The following ABCA13 variants were observed in gnomAD, a reference collection of about 807,000 sequenced individuals.
ABCA13 encodes the protein ATP binding cassette subfamily A member 13, also known as ATP-binding cassette sub-family A member 13.
ABCA13 carries 476 observed loss-of-function variants against 478.7 expected under a neutral mutation model. That is an observed-to-expected ratio of 0.99 (90% confidence interval 0.92 to 1.07). The LOEUF (loss-of-function observed/expected upper bound fraction) is 1.07. Among genes scored for constraint, ABCA13 ranks in the 50% least tolerant of loss-of-function variants. The pLI, the probability that ABCA13 is intolerant of heterozygous loss-of-function variation, is 0.00. For synonymous variants in ABCA13, 2,252 were observed against 2,158.9 expected (o/e 1.04, Z -1.20); for missense variants, 6,060 against 5,910.6 (o/e 1.03, Z -0.83).
intron 47 of ABCA13, among the ~76,000 whole-genome samples, chr7:48,483,980 A>G (rs1046251619): frequency 6.6e-6 from 1 of 152,186 alleles, no homozygotes; most frequent in Non-Finnish European, 1.5e-5. Flanking sequence ...TAGTGTGTGG[A>G]TGTTGTGTCT....
intron 36 of ABCA13, among the ~76,000 whole-genome samples, chr7:48,388,563 A>G (rs1261299737): frequency 6.6e-6 from 1 of 152,244 alleles, no homozygotes; most frequent in Non-Finnish European, 1.5e-5. Context: ...TGCATCACTC[A>G]GAGATAAACA....
intron 45 of ABCA13, among the ~76,000 whole-genome samples, chr7:48,472,529 G>A (rs1473137279): frequency 1.3e-5 from 2 of 152,124 alleles, no homozygotes; most frequent in Non-Finnish European, 2.9e-5. Flanking sequence ...GAAGTTATTT[G>A]TCTCATGGCC....
intron 52 of ABCA13, among the ~76,000 whole-genome samples, chr7:48,519,577 G>A (rs575685322): frequency 2.6e-5 from 4 of 152,270 alleles, no homozygotes; most frequent in Non-Finnish European, 5.9e-5. Context: ...TTGGAGCGAG[G>A]GGGATGTGGG....
chr7:48,641,205 G>T (rs1350752696), intron 59 of ABCA13, among the ~76,000 whole-genome samples: 2 of 152,128 alleles, frequency 1.3e-5, no homozygotes, highest in South Asian at 2.1e-4. Flanking sequence ...GGTAAAAATG[G>T]ATCCTAATAT....
chr7:48,275,930 T>C lies in ABCA13; in HGVS notation c.6264T>C (p.Ser2088=). ...CTGAAATGAACAAAGGAATCAAAAGTATAAATTCAATGGCTCTTCAAAAGA... is the reference window on the plus strand; with the variant it reads ...CTGAAATGAACAAAGGAATCAAAAGCATAAATTCAATGGCTCTTCAAAAGA... ...LLSEMNKGIK[S]INSMALQKIT... Residue 2088 remains serine, a synonymous_variant, in exon 17 of 62, where the codon AGT becomes AGC. Coordinates refer to ENST00000435803, the MANE Select transcript of ABCA13 (RefSeq NM_152701.5). The C allele has an allele frequency of 6.2e-7, 1 of 1,613,724 alleles. No homozygotes were observed. The highest frequency in any genetic ancestry group is 1.1e-5 in the South Asian group (1 of 91,068).
At chr7:48,256,248 T>A (rs970005504) in intron 15 of ABCA13, among the ~76,000 whole-genome samples, 5 of 152,130 alleles carry the variant, frequency 3.3e-5, no homozygotes, top group African/African-American at 1.2e-4. Flanking sequence ...CTGTAGGGTG[T>A]CTGTTTACTC....
intron 31 of ABCA13, among the ~76,000 whole-genome samples, chr7:48,355,199 G>C (rs1357716694): frequency 6.6e-6 from 1 of 151,928 alleles, no homozygotes; most frequent in African/African-American, 2.4e-5. Context: ...GCAGGGTCAG[G>C]GACACTAGGA....
chr7:48,550,500 C>T (rs994875225), intron 55 of ABCA13, among the ~76,000 whole-genome samples: 11 of 146,338 alleles, frequency 7.5e-5, no homozygotes, highest in African/African-American at 2.1e-4. Flanking sequence ...TCAAGTGATC[C>T]GCCCCCCCTC....
chr7:48,484,285 C>T (rs1344664144), intron 47 of ABCA13, among the ~76,000 whole-genome samples: 9 of 152,144 alleles, frequency 5.9e-5, no homozygotes, highest in South Asian at 2.1e-4. Flanking sequence ...ATAGTGTGGA[C>T]GATTCAGGAA....
At chr7:48,637,381 CAAAAAAAA>C (rs1156643955) in intron 59 of ABCA13, among the ~76,000 whole-genome samples, 22 of 20,258 alleles carry the variant, frequency 1.1e-3, no homozygotes, top group Non-Finnish European at 1.5e-3. Context: ...GTTCATAAAG[CAAAAAAAA>C]AAAAAAAAAA....
At chr7:48,412,145 G>A (rs184336898) in intron 40 of ABCA13, among the ~76,000 whole-genome samples, 4 of 152,032 alleles carry the variant, frequency 2.6e-5, no homozygotes, top group East Asian at 3.9e-4. Context: ...GGCCTCACAA[G>A]GTTTATCACT....
intron 58 of ABCA13, among the ~76,000 whole-genome samples, chr7:48,595,015 T>C (rs1318757355): frequency 1.3e-5 from 2 of 152,218 alleles, no homozygotes; most frequent in Non-Finnish European, 2.9e-5. Flanking sequence ...CAAGTTTACA[T>C]AGCAAATAGG....
At chr7:48,387,391 G>A (rs1815356389) in intron 35 of ABCA13, among the ~76,000 whole-genome samples, 1 of 152,112 alleles carries the variant, frequency 6.6e-6, no homozygotes. Context: ...AATTTCAATT[G>A]ATTAATCCCC....
intron 33 of ABCA13, among the ~76,000 whole-genome samples, chr7:48,372,704 G>C (rs1359137164): frequency 6.6e-6 from 1 of 152,156 alleles, no homozygotes; most frequent in Non-Finnish European, 1.5e-5. Flanking sequence ...CATTAAGAAT[G>C]TCCAGTTTTT....
chr7:48,506,192 T>G (rs1014907755), intron 48 of ABCA13, 144 bp from the exon 49 acceptor site: 1 of 786,904 alleles, frequency 1.3e-6, no homozygotes, highest in Non-Finnish European at 2.0e-6. Context: ...AATTTGCCAT[T>G]TTTTTCTGCT....
intron 55 of ABCA13, among the ~76,000 whole-genome samples, chr7:48,561,114 C>T (rs1786412044): frequency 6.6e-6 from 1 of 151,550 alleles, no homozygotes; most frequent in Non-Finnish European, 1.5e-5. Context: ...TATATTTTTT[C>T]TTTATTCATT....
chr7:48,193,147 A>G (rs1797328333), intron 2 of ABCA13, 95 bp downstream of exon 2: 4 of 857,100 alleles, frequency 4.7e-6, no homozygotes, highest in Middle Eastern at 2.3e-4. Context: ...CTGAATGCTG[A>G]GTGAAATGAA....
At chr7:48,550,793 C>T (rs1785246953) in intron 55 of ABCA13, among the ~76,000 whole-genome samples, 1 of 151,276 alleles carries the variant, frequency 6.6e-6, no homozygotes, top group Admixed American at 6.6e-5. Context: ...CAGACCTGCA[C>T]AGGTCATCCA....
Position 48,272,003 on chromosome 7 carries a change from A to G in ABCA13, c.2337A>G (p.Lys779=). 6.2e-7 allele frequency: 1 copy of G among 1,613,650 alleles called. No homozygotes were observed. The change falls in exon 17 of 62, where the codon AAA becomes AAG. Residue 779 remains lysine (K), a synonymous_variant. Transcript: ENST00000435803. ...NISSLWTNHL[K]SLKRDPSATD... ...GTTCTCTGTGGACAAATCATTTAAA[A>G]AGTTTAAAGAGAGACCCATCTGCCA...
Sources: allele counts gnomAD v4.1 joint callset (sites outside exome capture counted in the v4.1 genomes callset), GRCh38; gene constraint gnomAD v4.1.1; transcripts MANE v1.5; gene names NCBI Gene and HGNC (gene_info 2026-07-23, HGNC 2026-07-21).